The following NEGR1 variants were observed in gnomAD, a reference collection of about 807,000 sequenced individuals.
The protein encoded by NEGR1 is IgLON family member 4.
Under a neutral mutation model 40.9 loss-of-function variants are expected in NEGR1, and 10 were observed. That is an observed-to-expected ratio of 0.24 (90% CI 0.15 to 0.42). NEGR1 has a LOEUF of 0.42. Among genes scored for constraint, NEGR1 ranks in the 10% least tolerant of loss-of-function variants. The probability of loss-of-function intolerance (pLI) is 1.00; values close to 1 mark genes in which losing one functional copy is unlikely to be tolerated. For missense variants in NEGR1, 352 were observed against 438.9 expected, an observed-to-expected ratio of 0.80 and a Z score of 1.77; for synonymous variants, 185 against 166.8, an observed-to-expected ratio of 1.11 and a Z score of -0.84.
intron 6 of NEGR1, among the ~76,000 whole-genome samples, chr1:71,581,363 A>G (rs1649127524): frequency 6.6e-6 from 1 of 152,252 alleles, no homozygotes; most frequent in Admixed American, 6.5e-5. Flanking sequence ...TGGCCATTAC[A>G]TTAATGTCGA....
intron 6 of NEGR1, among the ~76,000 whole-genome samples, chr1:71,540,906 A>G (rs1647670752): frequency 6.6e-6 from 1 of 151,638 alleles, no homozygotes; most frequent in Non-Finnish European, 1.5e-5. Context: ...GGGAGCAGAC[A>G]CATCATCACA....
intron 3 of NEGR1, among the ~76,000 whole-genome samples, chr1:71,734,291 C>T (rs774489552): frequency 1.3e-5 from 2 of 152,182 alleles, no homozygotes; most frequent in Non-Finnish European, 2.9e-5. Context: ...CAAATTCTAT[C>T]TTTATCCCTC....
intron 4 of NEGR1, among the ~76,000 whole-genome samples, chr1:71,618,285 A>G (rs1313043871): frequency 6.6e-6 from 1 of 152,144 alleles, no homozygotes; most frequent in Non-Finnish European, 1.5e-5. Context: ...AGCCAGGTGT[A>G]TTGACTTTGT....
intron 3 of NEGR1, among the ~76,000 whole-genome samples, chr1:71,701,756 T>C (rs1653702945): frequency 6.6e-6 from 1 of 152,074 alleles, no homozygotes; most frequent in African/African-American, 2.4e-5. Context: ...AATTTAATTA[T>C]AATATTTTTC....
chr1:72,143,930 T>TATATATATATATAAA (rs1650804238), intron 1 of NEGR1, among the ~76,000 whole-genome samples: 1 of 140,506 alleles, frequency 7.1e-6, no homozygotes. Context: ...TATATATATA[T>TATATATATATATAAA]ATATATATAT....
At chr1:71,682,943 A>C (rs1652889377) in intron 4 of NEGR1, among the ~76,000 whole-genome samples, 1 of 152,174 alleles carries the variant, frequency 6.6e-6, no homozygotes, top group South Asian at 2.1e-4. Flanking sequence ...AAGCAATCTG[A>C]GGCCCTTACC....
At chr1:71,431,447 A>T (rs779549107) in intron 6 of NEGR1, among the ~76,000 whole-genome samples, 1 of 152,188 alleles carries the variant, frequency 6.6e-6, no homozygotes, top group Non-Finnish European at 1.5e-5. Context: ...AAAAAGTAAA[A>T]GTCTATAGAA....
At chr1:72,098,104 A>G (rs1007245485) in intron 1 of NEGR1, among the ~76,000 whole-genome samples, 1 of 152,164 alleles carries the variant, frequency 6.6e-6, no homozygotes, top group Non-Finnish European at 1.5e-5. Flanking sequence ...CCCCTGTCCT[A>G]TAAAATGATG....
At chr1:72,117,466 C>T (rs1195759968) in intron 1 of NEGR1, among the ~76,000 whole-genome samples, 1 of 151,764 alleles carries the variant, frequency 6.6e-6, no homozygotes, top group Admixed American at 6.6e-5. Context: ...ACACCAATTT[C>T]TGTGCTTTAA....
chr1:71,465,315 G>A (rs1646738367), intron 6 of NEGR1, among the ~76,000 whole-genome samples: 1 of 152,036 alleles, frequency 6.6e-6, no homozygotes, highest in African/African-American at 2.4e-5. Flanking sequence ...GATGGAGCTT[G>A]CAGTTTTTTC....
Position 71,999,654 on chromosome 1 carries a change from TATATATATATATATATATATATATAC to T in NEGR1, c.177-64369_177-64344del, listed in dbSNP as rs1193651967. 5.1e-4 allele frequency among the ~76,000 whole-genome samples: 24 copies of T among 46,836 alleles called. 2 individuals are homozygous for T. The highest frequency in any genetic ancestry group is 3.3e-3 in the Admixed American group (14 of 4,190). The allele number at this position is 46,836 out of a possible 152,430, so 30.7% of individuals were successfully genotyped here. ...GCAAATATATATATATATATATATA[TATATATATATATATATATATATATAC>T]ATACATATTTTTGTCCGGTCTCGGA... On this transcript the variant is annotated intron_variant, in intron 1 of 6. Coordinates refer to ENST00000357731, the MANE Select transcript of NEGR1 (RefSeq NM_173808.3).
At chr1:71,838,859 A>C (rs560097934) in intron 2 of NEGR1, among the ~76,000 whole-genome samples, 1 of 152,290 alleles carries the variant, frequency 6.6e-6, no homozygotes, top group African/African-American at 2.4e-5. Context: ...CAGATCCAAT[A>C]AAAGTTGAAG....
intron 1 of NEGR1, among the ~76,000 whole-genome samples, chr1:72,248,616 T>TATTATTATTA: frequency 6.8e-6 from 1 of 146,714 alleles, no homozygotes; most frequent in Non-Finnish European, 1.5e-5. Context: ...TTATTATTAT[T>TATTATTATTA]TTAGACAGAG....
At chr1:72,272,608 T>C (rs1278020258) in intron 1 of NEGR1, among the ~76,000 whole-genome samples, 3 of 151,942 alleles carry the variant, frequency 2.0e-5, no homozygotes, top group African/African-American at 7.2e-5. Context: ...CTTAGTTGCA[T>C]GAAAAGAAAG....
chr1:72,075,176 G>C (rs913821036), intron 1 of NEGR1, among the ~76,000 whole-genome samples: 1 of 152,076 alleles, frequency 6.6e-6, no homozygotes, highest in Non-Finnish European at 1.5e-5. Context: ...ATATAGAGAA[G>C]CTTAGTAAAT....
At chr1:71,789,695 A>C (rs1019724024) in intron 2 of NEGR1, among the ~76,000 whole-genome samples, 2 of 152,118 alleles carry the variant, frequency 1.3e-5, no homozygotes, top group African/African-American at 4.8e-5. Flanking sequence ...AACTTAAAAA[A>C]TGTGGTTAAG....
At chr1:72,011,852 A>G (rs1229668455) in intron 1 of NEGR1, among the ~76,000 whole-genome samples, 1 of 152,146 alleles carries the variant, frequency 6.6e-6, no homozygotes, top group African/African-American at 2.4e-5. Flanking sequence ...AAAATAGCCT[A>G]AAGTGTGCAG....
intron 1 of NEGR1, among the ~76,000 whole-genome samples, chr1:72,253,085 A>G (rs1655159421): frequency 6.6e-6 from 1 of 152,170 alleles, no homozygotes; most frequent in Non-Finnish European, 1.5e-5. Context: ...TTTAGACCTG[A>G]AGATGTTGAA....
chr1:72,208,042 T>C (rs1225300132), intron 1 of NEGR1, among the ~76,000 whole-genome samples: 1 of 151,670 alleles, frequency 6.6e-6, no homozygotes, highest in Non-Finnish European at 1.5e-5. Context: ...TAATTCTGCA[T>C]ATTCTAGAAA....
Sources: gnomAD v4.1 joint callset for allele counts (sites outside exome capture counted in the v4.1 genomes callset) on GRCh38, gnomAD v4.1.1 for gene constraint, MANE v1.5 for transcripts, NCBI Gene and HGNC (gene_info 2026-07-23, HGNC 2026-07-21) for gene names.